Variants in GMDS observed in about 807,000 individuals in gnomAD.
The protein encoded by GMDS is GDP-mannose 4,6 dehydratase.
Under a neutral mutation model 49.9 loss-of-function variants are expected in GMDS, and 20 were observed. The ratio of observed to expected loss-of-function variants is 0.40; its 90% CI spans 0.28 to 0.58. GMDS has a LOEUF of 0.58. Among genes scored for constraint, GMDS ranks in the 20% least tolerant of loss-of-function variants. The pLI, the probability that GMDS is intolerant of heterozygous loss-of-function variation, is 0.42. For missense variants in GMDS, 362 were observed against 481.4 expected, an observed-to-expected ratio of 0.75 and a Z score of 2.32; for synonymous variants, 177 against 178.6, an observed-to-expected ratio of 0.99 and a Z score of 0.07.
At chr6:1,724,386 A>G (rs1766498493) in intron 9 of GMDS, among the ~76,000 whole-genome samples, 2 of 152,200 alleles carry the variant, frequency 1.3e-5, no homozygotes, top group Admixed American at 6.5e-5. Flanking sequence ...TGCGGATTCA[A>G]GAACAGTCTT....
At chr6:1,791,998 G>A (rs1407018079) in intron 7 of GMDS, among the ~76,000 whole-genome samples, 1 of 152,020 alleles carries the variant, frequency 6.6e-6, no homozygotes, top group East Asian at 1.9e-4. Context: ...GTTATCTCCT[G>A]ATCGATGTAT....
At chr6:1,892,122 G>A (rs943626058) in intron 7 of GMDS, among the ~76,000 whole-genome samples, 1 of 151,828 alleles carries the variant, frequency 6.6e-6, no homozygotes, top group African/African-American at 2.4e-5. Context: ...TAGTAGAGAT[G>A]TAAGTAGCAC....
intron 7 of GMDS, among the ~76,000 whole-genome samples, chr6:1,843,631 G>A (rs1014714204): frequency 6.6e-5 from 10 of 152,236 alleles, no homozygotes; most frequent in African/African-American, 2.4e-4. Flanking sequence ...AGCTGGGTGT[G>A]GTGGCACGCA....
chr6:2,091,779 T>G (rs956940159), intron 4 of GMDS, among the ~76,000 whole-genome samples: 1 of 151,934 alleles, frequency 6.6e-6, no homozygotes, highest in African/African-American at 2.4e-5. Flanking sequence ...GATGCACAGC[T>G]GTGGTCCCAG....
At chr6:1,633,424 G>T (rs1763053841) in intron 9 of GMDS, among the ~76,000 whole-genome samples, 1 of 152,196 alleles carries the variant, frequency 6.6e-6, no homozygotes, top group Non-Finnish European at 1.5e-5. Flanking sequence ...GACAAGAGAA[G>T]GCCGTGGCTG....
At chr6:2,169,142 G>A (rs1288334835) in intron 1 of GMDS, among the ~76,000 whole-genome samples, 1 of 152,150 alleles carries the variant, frequency 6.6e-6, no homozygotes, top group Non-Finnish European at 1.5e-5. Flanking sequence ...TTAAACATCA[G>A]AAGGTGTTAA....
chr6:2,180,062 A>C (rs1056190041), intron 1 of GMDS, among the ~76,000 whole-genome samples: 8 of 152,192 alleles, frequency 5.3e-5, no homozygotes, highest in Non-Finnish European at 8.8e-5. Context: ...GTTCCTCTGG[A>C]TCTGTGGTCT....
intron 9 of GMDS, among the ~76,000 whole-genome samples, chr6:1,657,330 G>C (rs1435441827): frequency 6.6e-6 from 1 of 152,226 alleles, no homozygotes; most frequent in East Asian, 1.9e-4. Context: ...ATCGACCTCT[G>C]TGCTGGAAGC....
At chr6:2,042,161 G>A (rs900838347) in intron 4 of GMDS, among the ~76,000 whole-genome samples, 69 of 152,320 alleles carry the variant, frequency 4.5e-4, no homozygotes, top group African/African-American at 1.6e-3. Context: ...TTGCTTGCTT[G>A]AAAGCTACAT....
intron 7 of GMDS, among the ~76,000 whole-genome samples, chr6:1,872,856 C>T (rs186898460): frequency 2.0e-5 from 3 of 152,350 alleles, no homozygotes; most frequent in Admixed American, 1.3e-4. Context: ...ACACTCTGCC[C>T]GCCCCCAGCC....
At chr6:1,856,075 A>T (rs958771328) in intron 7 of GMDS, among the ~76,000 whole-genome samples, 2 of 152,218 alleles carry the variant, frequency 1.3e-5, no homozygotes, top group Non-Finnish European at 2.9e-5. Flanking sequence ...ACAGTAAAGT[A>T]TCTTGGGAAT....
chr6:2,219,387 G>C (rs531661440), intron 1 of GMDS, among the ~76,000 whole-genome samples: 1 of 152,254 alleles, frequency 6.6e-6, no homozygotes, highest in East Asian at 1.9e-4. Context: ...CCTGTTAAGT[G>C]AGAAGACAAC....
intron 1 of GMDS, among the ~76,000 whole-genome samples, chr6:2,230,601 A>G (rs1462376227): frequency 1.3e-5 from 2 of 152,240 alleles, no homozygotes; most frequent in Non-Finnish European, 2.9e-5. Flanking sequence ...CTATATGTTC[A>G]AACAGTAAAT....
At chr6:1,982,062 T>A (rs972916134) in intron 4 of GMDS, among the ~76,000 whole-genome samples, 5 of 152,172 alleles carry the variant, frequency 3.3e-5, no homozygotes, top group African/African-American at 1.2e-4. Context: ...CCAGGCACTT[T>A]GGGAGGCTGA....
At chr6:1,776,987 G>A (rs149144357) in intron 7 of GMDS, among the ~76,000 whole-genome samples, 33 of 152,292 alleles carry the variant, frequency 2.2e-4, no homozygotes, top group Admixed American at 4.6e-4. Flanking sequence ...CTGGCCAGAG[G>A]TCCCAGATGA....
chr6:2,061,736 A>T (rs2127447965), intron 4 of GMDS, among the ~76,000 whole-genome samples: 1 of 151,496 alleles, frequency 6.6e-6, no homozygotes, highest in East Asian at 1.9e-4. Flanking sequence ...AAAAAAAAAA[A>T]AAAAAAATCT....
At chr6:1,841,425 A>G (rs1757146791) in intron 7 of GMDS, among the ~76,000 whole-genome samples, 1 of 152,260 alleles carries the variant, frequency 6.6e-6, no homozygotes, top group South Asian at 2.1e-4. Context: ...TGAAACTTCT[A>G]TCGAACCTAA....
At chr6:2,060,581 T>C (rs975376928) in intron 4 of GMDS, among the ~76,000 whole-genome samples, 2 of 152,036 alleles carry the variant, frequency 1.3e-5, no homozygotes, top group African/African-American at 4.8e-5. Flanking sequence ...TATACTTTAG[T>C]GTGGGAAGAA....
chr6:1,835,010 C>A lies in GMDS; in HGVS notation c.772-92424G>T, dbSNP rs377481369. Among the ~76,000 whole-genome samples the A allele has an allele frequency of 3.0e-4, 45 of 152,198 alleles. No homozygotes were observed. In the South Asian group the frequency reaches 8.7e-3, roughly 30 times the overall value. The stretch of plus-strand genomic sequence containing the variant: ...CAAGCAAATCACATGATAGATTTAC[C>A]ACAGTTTAATTATTTTTTTATTTAG... On this transcript the variant is annotated intron_variant, in intron 7 of 10. Coordinates refer to ENST00000380815, the MANE Select transcript of GMDS (RefSeq NM_001500.4).
Sources: allele counts gnomAD v4.1 joint callset (sites outside exome capture counted in the v4.1 genomes callset), GRCh38; gene constraint gnomAD v4.1.1; transcripts MANE v1.5; gene names NCBI Gene and HGNC (gene_info 2026-07-23, HGNC 2026-07-21).